The following GRM7 variants were observed in gnomAD, a reference collection of about 807,000 sequenced individuals.
The protein encoded by GRM7 is metabotropic glutamate receptor 7.
In GRM7, 35 loss-of-function variants were observed where a neutral mutation model predicts 84.5. The ratio of observed to expected loss-of-function variants is 0.41; its 90% confidence interval spans 0.32 to 0.55. The LOEUF is 0.55. Ranked by LOEUF, GRM7 falls within the 20% of genes least tolerant of loss-of-function variation. The pLI, the probability that GRM7 is intolerant of heterozygous loss-of-function variation, is 0.19. For synonymous variants in GRM7, 487 were observed against 455.1 expected (o/e 1.07, Z -0.89); for missense variants, 1,003 against 1,194.6 (o/e 0.84, Z 2.36).
At chr3:7,360,546 CTCA>C (rs2125104383) in intron 4 of GRM7, among the ~76,000 whole-genome samples, 2 of 152,130 alleles carry the variant, frequency 1.3e-5, no homozygotes, top group African/African-American at 4.8e-5. Context: ...AAGTATTGTG[CTCA>C]TCAATATCTT....
intron 8 of GRM7, among the ~76,000 whole-genome samples, chr3:7,640,091 T>C (rs1698296275): frequency 6.6e-6 from 1 of 152,184 alleles, no homozygotes; most frequent in Non-Finnish European, 1.5e-5. Flanking sequence ...ACAAATGACC[T>C]CTTTTGGGCA....
chr3:7,095,119 C>T (rs1393091716), intron 1 of GRM7, among the ~76,000 whole-genome samples: 1 of 151,952 alleles, frequency 6.6e-6, no homozygotes, highest in Non-Finnish European at 1.5e-5. Context: ...AATGCCCAAC[C>T]TAGTAAATGT....
intron 9 of GRM7, among the ~76,000 whole-genome samples, chr3:7,719,587 C>T (rs549945870): frequency 1.1e-4 from 16 of 152,044 alleles, no homozygotes; most frequent in African/African-American, 7.2e-5. Flanking sequence ...CCGAGGCTGG[C>T]GGATCATGAG....
At chr3:7,665,350 T>A (rs1022738144) in intron 8 of GRM7, among the ~76,000 whole-genome samples, 5 of 151,506 alleles carry the variant, frequency 3.3e-5, no homozygotes, top group African/African-American at 1.2e-4. Context: ...TTTTTTTTTG[T>A]ATTTTTAGTA....
chr3:7,242,245 G>C (rs528894567), intron 2 of GRM7, among the ~76,000 whole-genome samples: 14 of 152,298 alleles, frequency 9.2e-5, no homozygotes, highest in Admixed American at 2.0e-4. Flanking sequence ...ACTTCCCAGG[G>C]AGCCGATGGA....
intron 1 of GRM7, among the ~76,000 whole-genome samples, chr3:7,059,244 A>C (rs1329060893): frequency 6.6e-6 from 1 of 151,810 alleles, no homozygotes; most frequent in Non-Finnish European, 1.5e-5. Context: ...GTAAATCTAC[A>C]CAGGACAGAG....
chr3:7,705,303 C>G (rs558920140), intron 9 of GRM7, among the ~76,000 whole-genome samples: 1 of 152,040 alleles, frequency 6.6e-6, no homozygotes. Flanking sequence ...ATTACTCATT[C>G]GAATTAAAAT....
intron 1 of GRM7, among the ~76,000 whole-genome samples, chr3:6,891,551 A>T (rs1387611479): frequency 6.6e-6 from 1 of 152,168 alleles, no homozygotes; most frequent in Non-Finnish European, 1.5e-5. Context: ...AGGAATGTTG[A>T]ATATTGGCCC....
intron 7 of GRM7, chr3:7,561,279 C>T (rs547832839): frequency 9.0e-5 from 20 of 223,356 alleles, no homozygotes; most frequent in African/African-American, 4.5e-4. Flanking sequence ...TGCTTAAGGA[C>T]CAACTGGGTC....
At chr3:7,361,059 A>G (rs1693640120) in intron 4 of GRM7, among the ~76,000 whole-genome samples, 1 of 152,066 alleles carries the variant, frequency 6.6e-6, no homozygotes, top group African/African-American at 2.4e-5. Flanking sequence ...GAATTATTGT[A>G]GTGATTAATT....
At chr3:7,064,505 C>CACATATACATATATATATACACACATAT (rs1553612672) in intron 1 of GRM7, among the ~76,000 whole-genome samples, 4 of 101,004 alleles carry the variant, frequency 4.0e-5, no homozygotes, top group African/African-American at 1.1e-4. Context: ...TATATATACA[C>CACATATACATATATATATACACACATAT]ATATATATAT....
At chr3:7,211,516 A>G (rs1025387825) in intron 2 of GRM7, among the ~76,000 whole-genome samples, 19 of 152,270 alleles carry the variant, frequency 1.2e-4, no homozygotes, top group African/African-American at 4.3e-4. Flanking sequence ...GGTTTTTACC[A>G]GGTAAAATAA....
At position 7,494,182 on chromosome 3, in the gene GRM7, T is replaced by C. The variant is rs73810666; in HGVS notation, c.1515+32460T>C. On this transcript the variant is annotated intron_variant, in intron 7 of 9. Coordinates refer to ENST00000357716, the MANE Select transcript of GRM7 (RefSeq NM_000844.4). The stretch of plus-strand genomic sequence containing the variant: ...CAGAGATATACTAGCAATACATTAT[T>C]ATTATTATTTGTCTTAGAAGGTTTC... Among the ~76,000 whole-genome samples the C allele has an allele frequency of 6.5e-3, 982 of 152,248 alleles. 11 individuals are homozygous for C. The highest frequency in any genetic ancestry group is 0.023 in the African/African-American group (941 of 41,558).
At chr3:7,355,672 T>C (rs1306826572) in intron 4 of GRM7, among the ~76,000 whole-genome samples, 2 of 152,142 alleles carry the variant, frequency 1.3e-5, no homozygotes, top group African/African-American at 4.8e-5. Flanking sequence ...GAGTGTTATC[T>C]GACCCACCCA....
At chr3:7,706,907 C>G (rs150968299) in intron 9 of GRM7, among the ~76,000 whole-genome samples, 1 of 152,032 alleles carries the variant, frequency 6.6e-6, no homozygotes, top group African/African-American at 2.4e-5. Flanking sequence ...GAGGAGGCAC[C>G]CAGACCAGCA....
intron 5 of GRM7, among the ~76,000 whole-genome samples, chr3:7,444,920 C>G (rs1220024327): frequency 6.6e-6 from 1 of 152,170 alleles, no homozygotes; most frequent in Non-Finnish European, 1.5e-5. Context: ...ACAGAGCACT[C>G]AGTACTTCTG....
intron 6 of GRM7, among the ~76,000 whole-genome samples, chr3:7,458,488 G>C (rs559183390): frequency 9.8e-5 from 15 of 152,296 alleles, no homozygotes; most frequent in Non-Finnish European, 1.9e-4. Flanking sequence ...CTGCATTAGA[G>C]AATCCATCAA....
intron 7 of GRM7, among the ~76,000 whole-genome samples, chr3:7,559,997 C>T (rs552163549): frequency 5.9e-5 from 9 of 152,008 alleles, no homozygotes; most frequent in Non-Finnish European, 1.3e-4. Flanking sequence ...TTACTCAGCT[C>T]CTTAAAGGCG....
intron 1 of GRM7, among the ~76,000 whole-genome samples, chr3:6,923,304 C>A (rs1167758139): frequency 7.0e-6 from 1 of 143,422 alleles, no homozygotes; most frequent in East Asian, 2.0e-4. Context: ...CGTGAGCTAC[C>A]ACGCCCAGCC....
Sources: gnomAD v4.1 joint callset for allele counts (sites outside exome capture counted in the v4.1 genomes callset) on GRCh38, gnomAD v4.1.1 for gene constraint, MANE v1.5 for transcripts, NCBI Gene and HGNC (gene_info 2026-07-23, HGNC 2026-07-21) for gene names.